MAFK: variants seen among roughly 807,000 people sequenced by gnomAD.
The protein encoded by MAFK is transcription factor MafK.
In MAFK, 1 loss-of-function variant was observed where a neutral mutation model predicts 9.2. The observed-to-expected ratio is 0.11, with a 90% confidence interval of 0.04 to 0.52. The LOEUF (loss-of-function observed/expected upper bound fraction) is 0.52, where lower values mean the gene tolerates loss of function less well. Ranked by LOEUF, MAFK falls within the 20% of genes least tolerant of loss-of-function variation. The pLI is 0.94. For missense variants in MAFK, 207 were observed against 236.0 expected (o/e 0.88, Z 0.81); for synonymous variants, 110 against 107.4 (o/e 1.02, Z -0.15).
At chr7:1,533,835 T>A (rs1783962315) in intron 1 of MAFK, among the ~76,000 whole-genome samples, 1 of 151,970 alleles carries the variant, frequency 6.6e-6, no homozygotes, top group East Asian at 1.9e-4. Flanking sequence ...CTGACTGGAC[T>A]TAGAGGCTGG....
chr7:1,533,641 G>A (rs759400211), intron 1 of MAFK, among the ~76,000 whole-genome samples: 10 of 152,168 alleles, frequency 6.6e-5, no homozygotes, highest in Admixed American at 3.3e-4. Context: ...GCAAAGCTGT[G>A]GTCCAGACAG....
intron 1 of MAFK, among the ~76,000 whole-genome samples, chr7:1,536,386 G>A (rs973556129): frequency 6.6e-6 from 1 of 152,210 alleles, no homozygotes; most frequent in East Asian, 1.9e-4. Context: ...CTTGGCTGCA[G>A]TGCTGACCAG....
intron 1 of MAFK, chr7:1,537,633 CCCTGAGATCAGCTGG>C: frequency 1.0e-6 from 1 of 985,622 alleles, no homozygotes; most frequent in Non-Finnish European, 1.2e-6. Context: ...TACGTCAGCG[CCCTGAGATCAGCTGG>C]CCTTGGCAGG....
At chr7:1,535,980 G>A (rs1183362823) in intron 1 of MAFK, among the ~76,000 whole-genome samples, 2 of 152,250 alleles carry the variant, frequency 1.3e-5, no homozygotes, top group African/African-American at 4.8e-5. Context: ...AGGAAGTGAT[G>A]CCCCCGCTGA....
chr7:1,537,233 C>A, intron 1 of MAFK: 1 of 270,842 alleles, frequency 3.7e-6, no homozygotes, highest in Non-Finnish European at 5.7e-6. Context: ...TCCTGTCCCC[C>A]GGACCTTCCT....
At chr7:1,535,052 C>T (rs998434919) in intron 1 of MAFK, among the ~76,000 whole-genome samples, 4 of 150,946 alleles carry the variant, frequency 2.6e-5, no homozygotes, top group African/African-American at 9.7e-5. Flanking sequence ...ACCATAGGCA[C>T]ATATGTGCCA....
At chr7:1,533,866 G>T (rs2128550924) in intron 1 of MAFK, among the ~76,000 whole-genome samples, 1 of 152,272 alleles carries the variant, frequency 6.6e-6, no homozygotes, top group Middle Eastern at 3.4e-3. Context: ...AAGCCCCAGG[G>T]CGGCCGGGGG....
In MAFK at chr7:1,532,272, G is replaced by A. The variant is rs1783923573; in HGVS notation, c.-45+1374G>A. On this transcript the variant is annotated intron_variant, in intron 1 of 2. Transcript: ENST00000343242. The surrounding 1 kb of genome is among the most constrained non-coding windows in gnomAD (Gnocchi z 4.5). The stretch of plus-strand genomic sequence containing the variant: ...TCTTCAGGGACATGGAGCATTAAAA[G>A]AGCCGTGGGCGGGGTCTGGAGAACA... Among the ~76,000 whole-genome samples, 1 of 152,174 alleles carries A rather than the reference G, an allele frequency of 6.6e-6. No individual in the cohort carries two copies. Among genetic ancestry groups the A allele is most frequent in the African/African-American group, 2.4e-5 (1 of 41,432 alleles).
Position 1,540,112 on chromosome 7 carries a change from A to G in MAFK, c.208A>G (p.Ile70Val), listed in dbSNP as rs748792627. ...KNRGYAASCRIKRVTQKEELE... is the reference protein window; with the variant it reads ...KNRGYAASCRVKRVTQKEELE... ...CCGCGGCTACGCGGCCAGCTGCCGCATCAAGCGGGTGACGCAGAAGGAGGA... is the reference window on the plus strand; with the variant it reads ...CCGCGGCTACGCGGCCAGCTGCCGCGTCAAGCGGGTGACGCAGAAGGAGGA... The change falls in exon 3 of 3, where the codon ATC (isoleucine) becomes GTC (valine). Residue 70 changes from isoleucine (I) to valine (V), a missense_variant. By Grantham distance (29) the Ile-to-Val change is conservative. Transcript: ENST00000343242. 8 of 1,572,364 alleles carry G rather than the reference A, an allele frequency of 5.1e-6. No homozygotes were observed. In the East Asian group the frequency reaches 1.6e-4, roughly 32 times the overall value.
At chr7:1,535,191 C>T (rs1160799833) in intron 1 of MAFK, among the ~76,000 whole-genome samples, 1 of 142,730 alleles carries the variant, frequency 7.0e-6, no homozygotes, top group South Asian at 2.2e-4. Flanking sequence ...CTATTACAGG[C>T]AAGAGCCACT....
At chr7:1,533,808 G>C (rs571736454) in intron 1 of MAFK, among the ~76,000 whole-genome samples, 2 of 152,268 alleles carry the variant, frequency 1.3e-5, no homozygotes, top group South Asian at 4.1e-4. Context: ...GGGGCATCTG[G>C]GCCCCCCGGA....
rs1784029531 is a variant in MAFK at position 1,536,350 on chromosome 7, G to A, written c.-44-2799G>A. Among the ~76,000 whole-genome samples the A allele has an allele frequency of 3.9e-5, 6 of 152,318 alleles. No homozygotes were observed. In the South Asian group the frequency reaches 8.3e-4, roughly 21 times the overall value. On this transcript the variant is annotated intron_variant, in intron 1 of 2. Coordinates refer to ENST00000343242, the MANE Select transcript of MAFK (RefSeq NM_002360.4). Reference sequence around the variant, plus strand: ...GCGTAAGACACAATGCGAGGACGTCGTTCCTCGGGGGCTGCTGGAGGGGAG... The same window carrying A: ...GCGTAAGACACAATGCGAGGACGTCATTCCTCGGGGGCTGCTGGAGGGGAG...
Position 1,540,706 on chromosome 7 carries a change from G to C in MAFK, c.*331G>C. 2 of 306,032 alleles carry C rather than the reference G, an allele frequency of 6.5e-6. No homozygotes were observed. Among genetic ancestry groups the C allele is most frequent in the East Asian group, 7.5e-5 (1 of 13,328 alleles). 19.0% of individuals were successfully genotyped at this position (306,032 alleles called of 1,614,324 possible). On this transcript the variant is annotated 3_prime_UTR_variant, in exon 3 of 3. Transcript: ENST00000343242. Reference sequence around the variant, plus strand: ...CCTCGGGAAGTTCCGCGTCCTCTGTGGGGGCTGCCGGAAGACACGGCCCCA... The same window carrying C: ...CCTCGGGAAGTTCCGCGTCCTCTGTCGGGGCTGCCGGAAGACACGGCCCCA...
At chr7:1,531,094 C>A (rs1309984876) in intron 1 of MAFK, among the ~76,000 whole-genome samples, 196 bp downstream of exon 1, 1 of 148,362 alleles carries the variant, frequency 6.7e-6, no homozygotes, top group South Asian at 2.1e-4. Context: ...GGCCCCGCCC[C>A]GCAGGCCCGG....
At position 1,534,761 on chromosome 7, in the gene MAFK, A is replaced by C. The variant is rs1157314650; in HGVS notation, c.-45+3863A>C. On this transcript the variant is annotated intron_variant, in intron 1 of 2. Coordinates refer to ENST00000343242, the MANE Select transcript of MAFK (RefSeq NM_002360.4). The surrounding 1 kb of genome is among the most constrained non-coding windows in gnomAD (Gnocchi z 4.3). ...GCCCCCATGCTGGCCTCGTAGAGCG[A>C]GCGGCAGCCCCGATGCGTCCTCTCA... 7 of 407,480 alleles carry C rather than the reference A, an allele frequency of 1.7e-5. No homozygotes were observed. Among genetic ancestry groups the C allele is most frequent in the Non-Finnish European group, 3.5e-5 (7 of 197,676 alleles). 25.2% of individuals were successfully genotyped at this position (407,480 alleles called of 1,614,324 possible).
rs781411392 is a variant in MAFK at position 1,532,948 on chromosome 7, C to T, written c.-45+2050C>T. Among the ~76,000 whole-genome samples, 3 of 152,224 alleles carry T rather than the reference C, an allele frequency of 2.0e-5. No homozygotes were observed. Among genetic ancestry groups the T allele is most frequent in the Non-Finnish European group, 2.9e-5 (2 of 68,042 alleles). On this transcript the variant is annotated intron_variant, in intron 1 of 2. Coordinates refer to ENST00000343242, the MANE Select transcript of MAFK (RefSeq NM_002360.4). This position sits in a 1 kb window ranked among gnomAD's most constrained non-coding sequence, Gnocchi z 4.5. ...GACTCACCGCTCCGTCCCCACCCTC[C>T]CTGCTCTCCGCGAATGGAAGATGCC... is the stretch of plus-strand genomic sequence containing the variant.
intron 1 of MAFK, among the ~76,000 whole-genome samples, chr7:1,531,777 G>T (rs1017212744): frequency 5.3e-5 from 8 of 152,046 alleles, no homozygotes; most frequent in African/African-American, 1.9e-4. Flanking sequence ...GCCTGGCCTT[G>T]GCCCTTGACC....
At chr7:1,531,426 C>T (rs1462618130) in intron 1 of MAFK, among the ~76,000 whole-genome samples, 1 of 152,150 alleles carries the variant, frequency 6.6e-6, no homozygotes, top group African/African-American at 2.4e-5. Flanking sequence ...TGGGGTCACG[C>T]GTGCCCGGGA....
At position 1,533,013 on chromosome 7, in the gene MAFK, C is replaced by T. The variant is rs1783938423; in HGVS notation, c.-45+2115C>T. On this transcript the variant is annotated intron_variant, in intron 1 of 2. Transcript: ENST00000343242. ...ATTTTTGCTTTTTATAAGTCACAGA[C>T]TCGTCATGTTTCCGCTTTCCTACAG... is the stretch of plus-strand genomic sequence containing the variant. Among the ~76,000 whole-genome samples, 4 of 152,252 alleles carry T rather than the reference C, an allele frequency of 2.6e-5. No individual in the cohort carries two copies. The South Asian group carries it at 8.3e-4, about 31-fold the overall frequency.
Sources: gnomAD v4.1 joint callset for allele counts (sites outside exome capture counted in the v4.1 genomes callset) on GRCh38, gnomAD v4.1.1 for gene constraint, Gnocchi (gnomAD v3.1) non-coding constraint, MANE v1.5 for transcripts, NCBI Gene and HGNC (gene_info 2026-07-23, HGNC 2026-07-21) for gene names.